EDIL3: variants seen among roughly 807,000 people sequenced by gnomAD.
The protein encoded by EDIL3 is EGF like and discoidin domains 3.
In EDIL3, 37 loss-of-function variants were observed where a neutral mutation model predicts 67.4. The observed-to-expected ratio is 0.55, with a 90% confidence interval of 0.42 to 0.72. The LOEUF (loss-of-function observed/expected upper bound fraction) is 0.72, where lower values mean the gene tolerates loss of function less well. EDIL3 is among the 30% of genes least tolerant of loss of function. The pLI, the probability that EDIL3 is intolerant of heterozygous loss-of-function variation, is 0.00. For missense variants in EDIL3, 527 were observed against 586.3 expected (o/e 0.90, Z 1.04); for synonymous variants, 195 against 196.3 (o/e 0.99, Z 0.05).
chr5:84,245,721 A>G (rs1744895530), intron 2 of EDIL3, among the ~76,000 whole-genome samples: 1 of 152,044 alleles, frequency 6.6e-6, no homozygotes. Context: ...GGAAGATAAA[A>G]TCTTTCCAGA....
At chr5:84,268,863 A>G (rs1168738039) in intron 1 of EDIL3, among the ~76,000 whole-genome samples, 2 of 152,166 alleles carry the variant, frequency 1.3e-5, no homozygotes, top group Non-Finnish European at 2.9e-5. Flanking sequence ...GGGAAAGCAC[A>G]AAGCACAAAT....
Position 83,963,251 on chromosome 5 carries a change from C to T in EDIL3, c.1247G>A (p.Gly416Glu). The T allele has an allele frequency of 6.2e-7, 1 of 1,610,356 alleles. No homozygotes were observed. The highest frequency in any genetic ancestry group is 8.5e-7 in the Non-Finnish European group (1 of 1,177,716). Residue 416 changes from glycine to glutamate, a missense_variant, in exon 10 of 11, where the codon GGA (glycine) becomes GAA (glutamate). By Grantham distance (98) the Gly-to-Glu change is moderately conservative. Around this residue, in one of 2 missense-constraint regions of EDIL3, gnomAD observed 494 missense variants for 522.5 expected, o/e 0.95. Transcript: ENST00000296591. ...GSYKLAYSND[G>E]EHWTVYQDEK... is the part of the protein sequence containing the mutation. ...ATCCTGGTATACAGTCCAGTGTTCTCCATCATTGCTGTAAGCCAGTTTGTA... is the reference window on the plus strand; with the variant it reads ...ATCCTGGTATACAGTCCAGTGTTCTTCATCATTGCTGTAAGCCAGTTTGTA...
intron 3 of EDIL3, among the ~76,000 whole-genome samples, chr5:84,203,647 G>A (rs1174611339): frequency 6.6e-6 from 1 of 152,124 alleles, no homozygotes; most frequent in Non-Finnish European, 1.5e-5. Flanking sequence ...ATAACTGAGT[G>A]ACTATTATAA....
intron 1 of EDIL3, among the ~76,000 whole-genome samples, chr5:84,308,663 AT>A (rs1162422466): frequency 6.6e-6 from 1 of 152,204 alleles, no homozygotes; most frequent in African/African-American, 2.4e-5. Flanking sequence ...CAGACAGTAA[AT>A]TATTAATCTG....
chr5:84,126,049 A>T (rs348901), intron 5 of EDIL3, among the ~76,000 whole-genome samples: 109,287 of 151,846 alleles, frequency 0.72, 39,413 homozygotes, highest in Middle Eastern at 0.75. Context: ...TTACAAAGTG[A>T]CTAAATCTGC....
intron 2 of EDIL3, among the ~76,000 whole-genome samples, chr5:84,233,545 T>C (rs1159734): frequency 0.93 from 141,787 of 152,212 alleles, 66,129 homozygotes; most frequent in African/African-American, 0.98. Context: ...TCATTGGGTA[T>C]CTATATCAAT....
chr5:84,051,826 C>T (rs1344982631), intron 9 of EDIL3, among the ~76,000 whole-genome samples: 9 of 152,158 alleles, frequency 5.9e-5, no homozygotes, highest in Admixed American at 3.3e-4. Flanking sequence ...ACCAAATCTA[C>T]GTCTGATTGG....
At chr5:84,250,610 AGT>A (rs1330201784) in intron 2 of EDIL3, among the ~76,000 whole-genome samples, 2 of 152,218 alleles carry the variant, frequency 1.3e-5, no homozygotes, top group African/African-American at 4.8e-5. Flanking sequence ...ACTGCAAAGT[AGT>A]AAGGTTTGAG....
intron 1 of EDIL3, among the ~76,000 whole-genome samples, chr5:84,259,022 C>G (rs1021082787): frequency 2.2e-5 from 3 of 136,690 alleles, no homozygotes; most frequent in African/African-American, 8.3e-5. Context: ...TGCAGTGGCG[C>G]GATCTCAGCT....
chr5:84,219,073 G>C (rs1295568264), intron 3 of EDIL3, among the ~76,000 whole-genome samples: 1 of 152,180 alleles, frequency 6.6e-6, no homozygotes, highest in Non-Finnish European at 1.5e-5. Context: ...GCTGGCTTCA[G>C]GTCTGACCCA....
chr5:83,973,681 G>A (rs1160351860), intron 9 of EDIL3, among the ~76,000 whole-genome samples: 1 of 151,970 alleles, frequency 6.6e-6, no homozygotes, highest in African/African-American at 2.4e-5. Flanking sequence ...GTTGTATTAT[G>A]TAAAGCCATT....
At chr5:84,282,169 C>A (rs1190065628) in intron 1 of EDIL3, among the ~76,000 whole-genome samples, 2 of 151,978 alleles carry the variant, frequency 1.3e-5, no homozygotes, top group Admixed American at 1.3e-4. Context: ...CCGTGCCCGG[C>A]CTCATATTTT....
chr5:84,157,079 C>A (rs1451665959), intron 4 of EDIL3, among the ~76,000 whole-genome samples: 1 of 151,986 alleles, frequency 6.6e-6, no homozygotes, highest in Non-Finnish European at 1.5e-5. Flanking sequence ...AAAAACATAG[C>A]AGATCAATAA....
intron 4 of EDIL3, among the ~76,000 whole-genome samples, chr5:84,166,428 A>C (rs1171191573): frequency 2.6e-5 from 4 of 152,124 alleles, no homozygotes; most frequent in Non-Finnish European, 5.9e-5. Context: ...ATAGACTGCT[A>C]TTAGACAATA....
At chr5:83,964,914 T>C (rs1270309813) in intron 9 of EDIL3, among the ~76,000 whole-genome samples, 3 of 152,090 alleles carry the variant, frequency 2.0e-5, no homozygotes, top group Non-Finnish European at 4.4e-5. Flanking sequence ...GGTTGCTGTC[T>C]CACATTGTGC....
At chr5:84,230,763 A>ATGTGTGTGTGTGTGTGTGTGTGTGTG (rs59552122) in intron 2 of EDIL3, among the ~76,000 whole-genome samples, 33 of 137,226 alleles carry the variant, frequency 2.4e-4, no homozygotes, top group South Asian at 5.0e-4. Context: ...CCACTACGTG[A>ATGTGTGTGTGTGTGTGTGTGTGTGTG]TGTGTGTGTG....
chr5:84,132,840 A>C (rs1022607852), intron 5 of EDIL3, among the ~76,000 whole-genome samples: 3 of 151,812 alleles, frequency 2.0e-5, no homozygotes, highest in African/African-American at 7.3e-5. Context: ...CTGGATAATT[A>C]TGATATTTGG....
chr5:84,176,198 A>AATATATATAT (rs561062432), intron 4 of EDIL3, among the ~76,000 whole-genome samples: 2 of 77,252 alleles, frequency 2.6e-5, no homozygotes, highest in East Asian at 9.4e-4. Flanking sequence ...ATATATATAT[A>AATATATATAT]ATATATATAT....
chr5:84,154,424 A>C lies in EDIL3; in HGVS notation c.356-17070T>G, dbSNP rs897319647. Among the ~76,000 whole-genome samples the C allele has an allele frequency of 5.3e-5, 8 of 152,262 alleles. No individual in the cohort carries two copies. In the East Asian group the frequency reaches 1.5e-3, roughly 29 times the overall value. ...TAATTATTGTAGAATCAAGTAAAAA[A>C]AAGTCACTGCACTTCACTAAAAATG... On this transcript the variant is annotated intron_variant, in intron 4 of 10. Transcript: ENST00000296591.
Sources: allele counts gnomAD v4.1 joint callset (sites outside exome capture counted in the v4.1 genomes callset), GRCh38; gene constraint gnomAD v4.1.1; regional missense constraint gnomAD v4.1.1; transcripts MANE v1.5; gene names NCBI Gene and HGNC (gene_info 2026-07-23, HGNC 2026-07-21).